PTK2: variants seen among roughly 807,000 people sequenced by gnomAD.
PTK2 encodes protein tyrosine kinase 2, also known as focal adhesion kinase 1.
In PTK2, 45 loss-of-function variants were observed where a neutral mutation model predicts 150.1. That is an observed-to-expected ratio of 0.30 (90% confidence interval 0.24 to 0.38). The LOEUF (loss-of-function observed/expected upper bound fraction) is 0.38. Ranked by LOEUF, PTK2 falls within the 10% of genes least tolerant of loss-of-function variation. The pLI, the probability that PTK2 is intolerant of heterozygous loss-of-function variation, is 1.00. For missense variants in PTK2, 919 were observed against 1,307.3 expected, an observed-to-expected ratio of 0.70 and a Z score of 4.58; for synonymous variants, 432 against 449.2, an observed-to-expected ratio of 0.96 and a Z score of 0.48.
Position 140,873,463 on chromosome 8 carries a change from A to ATT in PTK2, c.362+6006_362+6007dup, listed in dbSNP as rs561606248. 4.5e-3 allele frequency among the ~76,000 whole-genome samples: 541 copies of ATT among 118,916 alleles called. 4 individuals carry two copies. The highest frequency in any genetic ancestry group is 0.013 in the African/African-American group (513 of 39,568). The allele number at this position is 118,916 out of a possible 152,430, so 78.0% of individuals were successfully genotyped here. A position where few individuals can be genotyped will look rare whatever the true frequency, so the allele number is the denominator to read the frequency against. ...TGTATCTATTACTGAAGTGTCTGCAATTTTTTTTTTTTCTGTTTTTGAGAC... is the reference window on the plus strand; with the variant it reads ...TGTATCTATTACTGAAGTGTCTGCAATTTTTTTTTTTTTTCTGTTTTTGAGAC... On this transcript the variant is annotated intron_variant, in intron 4 of 31. Transcript: ENST00000522684.
chr8:140,679,711 A>G (rs2100015995), intron 27 of PTK2, among the ~76,000 whole-genome samples: 1 of 152,200 alleles, frequency 6.6e-6, no homozygotes, highest in Non-Finnish European at 1.5e-5. Context: ...AAGTCTAAAT[A>G]AAAGTTTACC....
At chr8:140,870,607 G>A (rs183707032) in intron 4 of PTK2, among the ~76,000 whole-genome samples, 1 of 152,276 alleles carries the variant, frequency 6.6e-6, no homozygotes, top group African/African-American at 2.4e-5. Context: ...AAATCCAGAT[G>A]AGGGGAAACC....
chr8:140,769,543 A>T, intron 14 of PTK2, 32 bp downstream of exon 16: 1 of 1,304,520 alleles, frequency 7.7e-7, no homozygotes, highest in Non-Finnish European at 1.0e-6. Context: ...ATTATCTCAT[A>T]GCAGTAACAC....
intron 24 of PTK2, among the ~76,000 whole-genome samples, chr8:140,705,049 C>A (rs192854749): frequency 1.8e-3 from 269 of 152,210 alleles, no homozygotes; most frequent in African/African-American, 5.9e-3. Context: ...TGCCTCAGAA[C>A]CTACTGAGGC....
chr8:140,802,814 C>G (rs1202229412), intron 11 of PTK2, among the ~76,000 whole-genome samples: 1 of 152,066 alleles, frequency 6.6e-6, no homozygotes, highest in African/African-American at 2.4e-5. Flanking sequence ...CTTAGGGCAA[C>G]AGGCTATATT....
intron 14 of PTK2, 28 bp downstream of exon 16, chr8:140,769,547 G>A (rs1159191867): frequency 1.5e-6 from 2 of 1,324,864 alleles, no homozygotes; most frequent in African/African-American, 1.5e-5. Context: ...TCTCATAGCA[G>A]TAACACAAAT....
chr8:140,836,615 T>C (rs376142999), intron 7 of PTK2, among the ~76,000 whole-genome samples: 12 of 152,284 alleles, frequency 7.9e-5, no homozygotes, highest in South Asian at 2.1e-4. Flanking sequence ...AAGGATGCAA[T>C]TGACTACTGT....
Position 140,894,535 on chromosome 8 carries a change from A to G in PTK2, c.-32-3766T>C, listed in dbSNP as rs118000463. Among the ~76,000 whole-genome samples, 285 of 152,346 alleles carry G rather than the reference A, an allele frequency of 1.9e-3. 2 individuals are homozygous for G. Among genetic ancestry groups the G allele is most frequent in the Non-Finnish European group, 2.5e-3 (168 of 68,024 alleles). The stretch of plus-strand genomic sequence containing the variant: ...TGGTACATTCCTATAATGGAGTACT[A>G]TGAATCTGCTGGGGGAAAAACAAAA... On this transcript the variant is annotated intron_variant, in intron 2 of 31. Coordinates refer to ENST00000522684, the Ensembl canonical transcript of PTK2.
intron 1 of PTK2, among the ~76,000 whole-genome samples, chr8:140,972,245 TTTA>T (rs1489340295): frequency 3.3e-5 from 5 of 152,182 alleles, no homozygotes; most frequent in East Asian, 1.9e-4. Flanking sequence ...CTCAATTGTT[TTTA>T]TTATTTTAAT....
At chr8:140,829,844 C>A (rs1178632327) in intron 8 of PTK2, among the ~76,000 whole-genome samples, 1 of 152,120 alleles carries the variant, frequency 6.6e-6, no homozygotes, top group African/African-American at 2.4e-5. Context: ...CTGAGCCAGA[C>A]TCTGCCTTAA....
At chr8:140,999,590 G>A (rs1341851357) in intron 1 of PTK2, among the ~76,000 whole-genome samples, 1 of 152,144 alleles carries the variant, frequency 6.6e-6, no homozygotes, top group East Asian at 1.9e-4. Flanking sequence ...TATCTATACT[G>A]TACCCCAACA....
chr8:140,975,615 G>A (rs2100188989), intron 1 of PTK2, among the ~76,000 whole-genome samples: 1 of 152,130 alleles, frequency 6.6e-6, no homozygotes, highest in Non-Finnish European at 1.5e-5. Flanking sequence ...GGGGGAGGGG[G>A]AAGAAAGGAA....
chr8:140,935,067 G>T (rs1034958160), intron 1 of PTK2, among the ~76,000 whole-genome samples: 5 of 152,206 alleles, frequency 3.3e-5, no homozygotes, highest in Non-Finnish European at 5.9e-5. Context: ...TATCACAATT[G>T]TTAAATGTGT....
chr8:140,713,872 A>G (rs2154219430), intron 23 of PTK2, among the ~76,000 whole-genome samples: 2 of 152,300 alleles, frequency 1.3e-5, no homozygotes, highest in Middle Eastern at 6.8e-3. Context: ...AGCTTTAAAA[A>G]AAATTAAAAT....
intron 2 of PTK2, among the ~76,000 whole-genome samples, chr8:140,896,539 T>A (rs149210056): frequency 7.3e-4 from 111 of 152,322 alleles, no homozygotes; most frequent in African/African-American, 2.5e-3. Flanking sequence ...CCTCGATACA[T>A]GCAGAAAACA....
At chr8:140,687,291 A>G (rs1309234604) in intron 26 of PTK2, among the ~76,000 whole-genome samples, 1 of 152,174 alleles carries the variant, frequency 6.6e-6, no homozygotes, top group Non-Finnish European at 1.5e-5. Context: ...CTCCCGCAGT[A>G]TGGGTTACGG....
chr8:140,888,520 CA>C (rs748063087), intron 3 of PTK2, among the ~76,000 whole-genome samples: 1 of 152,212 alleles, frequency 6.6e-6, no homozygotes, highest in East Asian at 1.9e-4. Context: ...TAGATTTGAT[CA>C]GATTGATCTT....
chr8:140,755,431 GC>G (rs2100065084), intron 16 of PTK2, among the ~76,000 whole-genome samples: 1 of 151,988 alleles, frequency 6.6e-6, no homozygotes, highest in Non-Finnish European at 1.5e-5. Context: ...CTACTCCGCG[GC>G]CACACCGTCC....
intron 1 of PTK2, among the ~76,000 whole-genome samples, chr8:140,962,708 G>A (rs982947139): frequency 1.3e-5 from 2 of 152,014 alleles, no homozygotes; most frequent in African/African-American, 4.8e-5. Flanking sequence ...GTGAATCGGG[G>A]AGGCGGAGCT....
Sources: allele counts gnomAD v4.1 joint callset (sites outside exome capture counted in the v4.1 genomes callset), GRCh38; gene constraint gnomAD v4.1.1; transcripts MANE v1.5; gene names NCBI Gene and HGNC (gene_info 2026-07-23, HGNC 2026-07-21).